Variants in SPAG9 observed in about 807,000 individuals in gnomAD.
SPAG9 encodes the protein C-Jun-amino-terminal kinase-interacting protein 4.
Under a neutral mutation model 166.5 loss-of-function variants are expected in SPAG9, and 35 were observed. That is an observed-to-expected ratio of 0.21 (90% CI 0.16 to 0.28). The LOEUF (loss-of-function observed/expected upper bound fraction) is 0.28. Ranked by LOEUF, SPAG9 falls within the 10% of genes least tolerant of loss-of-function variation. SPAG9 has a pLI of 1.00. For missense variants in SPAG9, 1,235 were observed against 1,603.3 expected (o/e 0.77, Z 3.92); for synonymous variants, 534 against 565.5 (o/e 0.94, Z 0.79).
chr17:51,053,855 G>GCATATATATA (rs1555650769), intron 3 of SPAG9, among the ~76,000 whole-genome samples: 1 of 37,760 alleles, frequency 2.6e-5, no homozygotes, highest in African/African-American at 1.1e-4. Flanking sequence ...AAAAAAAAAA[G>GCATATATATA]TATATATATA....
At chr17:51,054,496 G>A (rs2047305170) in intron 3 of SPAG9, among the ~76,000 whole-genome samples, 1 of 151,796 alleles carries the variant, frequency 6.6e-6, no homozygotes, top group Admixed American at 6.6e-5. Context: ...GAGTGCAGTG[G>A]CGTGATCTCG....
intron 6 of SPAG9, 132 bp downstream of exon 6, chr17:51,031,549 T>C: frequency 1.4e-6 from 1 of 706,926 alleles, no homozygotes; most frequent in South Asian, 1.7e-5. Context: ...TTTTCTTTTA[T>C]ATTTCAGTGA....
At chr17:51,079,049 T>G (rs2048092114) in intron 2 of SPAG9, among the ~76,000 whole-genome samples, 3 of 152,018 alleles carry the variant, frequency 2.0e-5, no homozygotes, top group Admixed American at 2.0e-4. Context: ...TTGAAGTGAG[T>G]CTGATCGATA....
intron 8 of SPAG9, among the ~76,000 whole-genome samples, chr17:51,017,031 T>G (rs2045727219): frequency 6.6e-6 from 1 of 152,256 alleles, no homozygotes; most frequent in African/African-American, 2.4e-5. Context: ...GAATTTGAAA[T>G]ATATAATATT....
intron 2 of SPAG9, among the ~76,000 whole-genome samples, chr17:51,077,103 T>C (rs2048035869): frequency 7.2e-6 from 1 of 138,492 alleles, no homozygotes; most frequent in Admixed American, 7.0e-5. Context: ...TCTATCTAGC[T>C]AGCTATCTAG....
At chr17:51,117,435 G>T (rs543722340) in intron 1 of SPAG9, among the ~76,000 whole-genome samples, 2 of 152,014 alleles carry the variant, frequency 1.3e-5, no homozygotes, top group Non-Finnish European at 2.9e-5. Flanking sequence ...CAAACAGGCC[G>T]GCACGGTGGC....
At chr17:51,016,723 G>A (rs2045712790) in intron 8 of SPAG9, among the ~76,000 whole-genome samples, 1 of 152,072 alleles carries the variant, frequency 6.6e-6, no homozygotes, top group South Asian at 2.1e-4. Flanking sequence ...TGACCAACAT[G>A]GTGAAACCCC....
At chr17:51,000,304 GCT>G (rs2044876095) in intron 13 of SPAG9, among the ~76,000 whole-genome samples, 1 of 152,170 alleles carries the variant, frequency 6.6e-6, no homozygotes, top group South Asian at 2.1e-4. Flanking sequence ...CATAATCAGA[GCT>G]CTCTTTTCAC....
At chr17:51,027,115 A>T (rs2046213388) in intron 6 of SPAG9, among the ~76,000 whole-genome samples, 1 of 152,126 alleles carries the variant, frequency 6.6e-6, no homozygotes, top group Non-Finnish European at 1.5e-5. Context: ...CTTGCATTAT[A>T]CCTCACTAAC....
Position 51,072,066 on chromosome 17 carries a change from A to G in SPAG9, c.424+7518T>C, listed in dbSNP as rs531670011. Among the ~76,000 whole-genome samples the G allele has an allele frequency of 9.2e-5, 14 of 152,098 alleles. No homozygotes were observed. The South Asian group carries it at 1.2e-3, about 14-fold the overall frequency. On this transcript the variant is annotated intron_variant, in intron 2 of 29. Transcript: ENST00000262013. ...TTGGGTTACATTTACTTTGTCACAA[A>G]ATTCATATTTTCTTTTTTTGTTTTA...
chr17:51,026,842 A>G (rs1441583770), intron 6 of SPAG9, among the ~76,000 whole-genome samples: 2 of 151,310 alleles, frequency 1.3e-5, no homozygotes, highest in African/African-American at 4.9e-5. Flanking sequence ...ATGCCCAGCT[A>G]ATTTTGTATT....
At chr17:51,041,710 T>C in intron 4 of SPAG9, 59 bp from the exon 5 acceptor site, 1 of 1,525,468 alleles carries the variant, frequency 6.6e-7, no homozygotes, top group Non-Finnish European at 9.0e-7. Flanking sequence ...TTATTTGCCA[T>C]GACTATAAGT....
rs534303576 is a variant in SPAG9, at chr17:51,072,616, G to A, written c.424+6968C>T. 4.1e-4 allele frequency among the ~76,000 whole-genome samples: 63 copies of A among 151,952 alleles called. 1 individual carries two copies. Among genetic ancestry groups the A allele is most frequent in the African/African-American group, 1.1e-3 (44 of 41,478 alleles). On this transcript the variant is annotated intron_variant, in intron 2 of 29. Coordinates refer to ENST00000262013, the MANE Select transcript of SPAG9 (RefSeq NM_001130528.3). ...AAAGAATCTCTTGAACCTGGGAGGCGGAAGTTGCAGTGAGCCGAGATCGCG... is the reference window on the plus strand; with the variant it reads ...AAAGAATCTCTTGAACCTGGGAGGCAGAAGTTGCAGTGAGCCGAGATCGCG...
chr17:51,019,840 G>A (rs775173627), intron 8 of SPAG9, among the ~76,000 whole-genome samples: 6 of 152,114 alleles, frequency 3.9e-5, no homozygotes, highest in Non-Finnish European at 7.4e-5. Flanking sequence ...CAACAAGAGC[G>A]AAACTCTGTC....
Position 51,029,445 on chromosome 17 carries a change from C to G in SPAG9, c.783+2236G>C, listed in dbSNP as rs546720561. Among the ~76,000 whole-genome samples the G allele has an allele frequency of 7.9e-5, 12 of 152,308 alleles. 1 individual carries two copies. The South Asian group carries it at 2.5e-3, about 32-fold the overall frequency. On this transcript the variant is annotated intron_variant, in intron 6 of 29. Transcript: ENST00000262013. Reference sequence around the variant, plus strand: ...AAAATAGAACTACCATATCATCCAGCAATCTCACTTCTGGGTATGTATTCA... The same window carrying G: ...AAAATAGAACTACCATATCATCCAGGAATCTCACTTCTGGGTATGTATTCA...
chr17:51,102,786 G>C (rs541650913), intron 1 of SPAG9, among the ~76,000 whole-genome samples: 2 of 152,116 alleles, frequency 1.3e-5, no homozygotes, highest in Non-Finnish European at 2.9e-5. Flanking sequence ...TTACAGGCAT[G>C]AGCCACTGCA....
chr17:51,105,803 G>A (rs531018620), intron 1 of SPAG9, among the ~76,000 whole-genome samples: 1 of 151,952 alleles, frequency 6.6e-6, no homozygotes, highest in Non-Finnish European at 1.5e-5. Flanking sequence ...CCGGGAGATG[G>A]AGCTTGCAGT....
At chr17:50,970,970 C>T in intron 28 of SPAG9, 114 bp from the exon 29 acceptor site, 2 of 817,100 alleles carry the variant, frequency 2.4e-6, no homozygotes, top group Non-Finnish European at 3.8e-6. Flanking sequence ...ATTCTAATAA[C>T]CAAATACTGG....
chr17:51,033,012 T>C (rs1568022721), intron 5 of SPAG9, among the ~76,000 whole-genome samples: 1 of 151,514 alleles, frequency 6.6e-6, no homozygotes, highest in Non-Finnish European at 1.5e-5. Flanking sequence ...GCCTCTTCTT[T>C]AACAGATGTG....
Sources: allele counts gnomAD v4.1 joint callset (sites outside exome capture counted in the v4.1 genomes callset), GRCh38; gene constraint gnomAD v4.1.1; transcripts MANE v1.5; gene names NCBI Gene and HGNC (gene_info 2026-07-23, HGNC 2026-07-21).